The following CERKL variants were observed in gnomAD, a reference collection of about 807,000 sequenced individuals.
CERKL encodes the protein ceramide kinase-like protein.
CERKL carries 61 observed loss-of-function variants against 63.4 expected under a neutral mutation model. That is an observed-to-expected ratio of 0.96 (90% confidence interval 0.78 to 1.19). The LOEUF is 1.19. CERKL is among the 50% of genes most tolerant of loss of function. The pLI is 0.00. For synonymous variants in CERKL, 250 were observed against 230.5 expected (o/e 1.08, Z -0.77); for missense variants, 675 against 655.5 (o/e 1.03, Z -0.33).
At chr2:181,625,794 A>T (rs1175751346) in intron 1 of CERKL, among the ~76,000 whole-genome samples, 4 of 152,194 alleles carry the variant, frequency 2.6e-5, no homozygotes, top group African/African-American at 9.7e-5. Flanking sequence ...TTTAATCTCT[A>T]TGTGCTGGAA....
Position 181,547,651 on chromosome 2 carries a change from G to T in CERKL, c.1235C>A (p.Ser412Ter), listed in dbSNP as rs1687786157. ...VSIMAIPCLC[S>*]VAPRGLAPNT... Reference sequence around the variant, plus strand: ...AGGTGCCAAGCCTCTAGGTGCCACTGAACACAGGCAAGGAATTGCCATAAT... The same window carrying T: ...AGGTGCCAAGCCTCTAGGTGCCACTTAACACAGGCAAGGAATTGCCATAAT... The change falls in exon 10 of 13, where the codon TCA becomes TAA. Residue 412 changes from serine to a stop codon, truncating the protein, a stop_gained. Coordinates refer to ENST00000410087, the MANE Select transcript of CERKL (RefSeq NM_201548.5). LOFTEE classifies it high-confidence loss of function. 1 of 1,614,010 alleles carries T rather than the reference G, an allele frequency of 6.2e-7. No individual in the cohort carries two copies. Among genetic ancestry groups the T allele is most frequent in the South Asian group, 1.1e-5 (1 of 91,070 alleles).
At chr2:181,560,785 T>C (rs1688404738) in intron 4 of CERKL, among the ~76,000 whole-genome samples, 2 of 152,212 alleles carry the variant, frequency 1.3e-5, no homozygotes, top group South Asian at 4.2e-4. Context: ...CTAATAAAAA[T>C]AGCCTTATGA....
chr2:181,575,873 G>T (rs1392513415), intron 2 of CERKL, among the ~76,000 whole-genome samples: 1 of 152,076 alleles, frequency 6.6e-6, no homozygotes, highest in Non-Finnish European at 1.5e-5. Context: ...ACTTTTCAAA[G>T]CTCACTTCAA....
intron 1 of CERKL, among the ~76,000 whole-genome samples, chr2:181,616,367 C>T (rs1466662624): frequency 6.6e-6 from 1 of 151,968 alleles, no homozygotes; most frequent in Non-Finnish European, 1.5e-5. Flanking sequence ...GCGCTCGCCA[C>T]CATGCCCGGC....
chr2:181,656,044 TA>T (rs1196104096), intron 1 of CERKL, among the ~76,000 whole-genome samples: 36 of 152,380 alleles, frequency 2.4e-4, no homozygotes, highest in African/African-American at 8.2e-4. Flanking sequence ...GTATTTGTTG[TA>T]AACTACAGCA....
chr2:181,632,017 GTTTA>G (rs1405012847), intron 1 of CERKL, among the ~76,000 whole-genome samples: 1 of 152,134 alleles, frequency 6.6e-6, no homozygotes, highest in African/African-American at 2.4e-5. Context: ...TAAATAGTGA[GTTTA>G]TTTATATTTC....
chr2:181,558,768 T>C lies in CERKL; in HGVS notation c.678-60A>G. 1 of 1,552,506 alleles carries C rather than the reference T, an allele frequency of 6.4e-7. No individual in the cohort carries two copies. The highest frequency in any genetic ancestry group is 2.3e-5 in the East Asian group (1 of 44,290). On this transcript the variant is annotated intron_variant, in intron 4 of 12. Coordinates refer to ENST00000410087, the MANE Select transcript of CERKL (RefSeq NM_201548.5). The surrounding 1 kb of genome is among the most constrained non-coding windows in gnomAD (Gnocchi z 4.2). Reference sequence around the variant, plus strand: ...CTTCAGAATGATTGGTAATAAGTCATGAAATCTAGACTTCAAAATAGTTTA... The same window carrying C: ...CTTCAGAATGATTGGTAATAAGTCACGAAATCTAGACTTCAAAATAGTTTA...
At chr2:181,593,142 T>C (rs1685058053) in intron 2 of CERKL, among the ~76,000 whole-genome samples, 1 of 152,136 alleles carries the variant, frequency 6.6e-6, no homozygotes, top group African/African-American at 2.4e-5. Flanking sequence ...TAGGAGACCA[T>C]AGAAGACATA....
chr2:181,638,364 A>G (rs1264722272), intron 1 of CERKL, among the ~76,000 whole-genome samples: 3 of 152,212 alleles, frequency 2.0e-5, no homozygotes, highest in African/African-American at 7.2e-5. Flanking sequence ...AACCTGGAAT[A>G]TCTTGCCATT....
intron 1 of CERKL, among the ~76,000 whole-genome samples, chr2:181,630,259 T>C (rs1686898351): frequency 6.6e-6 from 1 of 152,056 alleles, no homozygotes; most frequent in Admixed American, 6.5e-5. Context: ...TTTCCCAGGC[T>C]GATCTTGAAC....
rs1365122205 is a variant in CERKL, at chr2:181,550,517, G to T, written c.821-809C>A. ...AGAGAATTTAAAATTATTAAGAACA[G>T]AATGAATGAAGCTACAATTTTTCTT... On this transcript the variant is annotated intron_variant, in intron 5 of 12. Transcript: ENST00000410087. This position sits in a 1 kb window ranked among gnomAD's most constrained non-coding sequence, Gnocchi z 4.5. 6.6e-6 allele frequency among the ~76,000 whole-genome samples: 1 copy of T among 152,094 alleles called. No individual in the cohort carries two copies. Among genetic ancestry groups the T allele is most frequent in the South Asian group, 2.1e-4 (1 of 4,830 alleles).
At chr2:181,551,549 CAT>C (rs1687989023) in intron 5 of CERKL, among the ~76,000 whole-genome samples, 1 of 147,478 alleles carries the variant, frequency 6.8e-6, no homozygotes, top group Admixed American at 6.9e-5. Flanking sequence ...GGCCAACAAA[CAT>C]ATAAAAAAAA....
At chr2:181,632,524 C>T (rs1346270434) in intron 1 of CERKL, among the ~76,000 whole-genome samples, 6 of 152,140 alleles carry the variant, frequency 3.9e-5, no homozygotes, top group South Asian at 2.1e-4. Flanking sequence ...TAAACAATTA[C>T]GGGTGCACCT....
At chr2:181,565,459 G>C (rs771179300) in intron 4 of CERKL, 1 of 1,612,378 alleles carries the variant, frequency 6.2e-7, no homozygotes. Context: ...GCATGCCAGT[G>C]AACAATCTCT....
At chr2:181,596,534 C>T (rs1003949668) in intron 2 of CERKL, among the ~76,000 whole-genome samples, 2 of 152,100 alleles carry the variant, frequency 1.3e-5, no homozygotes, top group African/African-American at 4.8e-5. Context: ...GTCTGTCAAC[C>T]TTTTCCAAGC....
chr2:181,576,975 C>A (rs1378760311), intron 2 of CERKL, among the ~76,000 whole-genome samples: 2 of 152,168 alleles, frequency 1.3e-5, no homozygotes, highest in African/African-American at 4.8e-5. Flanking sequence ...ATCTAAGGAA[C>A]TGGCATATTC....
intron 2 of CERKL, among the ~76,000 whole-genome samples, chr2:181,582,254 T>C (rs1175725979): frequency 6.6e-6 from 1 of 152,162 alleles, no homozygotes. Flanking sequence ...CTTTAGCAGC[T>C]CATTTTTGTT....
At position 181,648,188 on chromosome 2, in the gene CERKL, C is replaced by A. The variant is rs182006951; in HGVS notation, c.238+8581G>T. On this transcript the variant is annotated intron_variant, in intron 1 of 12. Transcript: ENST00000410087. ...TCCAGATGAAGGAACCACAAAGATT[C>A]CCAATTAGATTAAACCCAAAAAGAT... is the stretch of plus-strand genomic sequence containing the variant. Among the ~76,000 whole-genome samples, 5 of 152,144 alleles carry A rather than the reference C, an allele frequency of 3.3e-5. No homozygotes were observed. The East Asian group carries it at 9.6e-4, about 29-fold the overall frequency.
chr2:181,600,334 T>G lies in CERKL; in HGVS notation c.481+3503A>C, dbSNP rs369672230. The stretch of plus-strand genomic sequence containing the variant: ...GCAACTACTTAACAATACACAAATA[T>G]CAAATGTATAGGAACAAAACCTCAA... On this transcript the variant is annotated intron_variant, in intron 2 of 12. Coordinates refer to ENST00000410087, the MANE Select transcript of CERKL (RefSeq NM_201548.5). Among the ~76,000 whole-genome samples, 5 of 152,122 alleles carry G rather than the reference T, an allele frequency of 3.3e-5. No individual in the cohort carries two copies. In the East Asian group the frequency reaches 7.7e-4, roughly 23 times the overall value.
Sources: allele counts gnomAD v4.1 joint callset (sites outside exome capture counted in the v4.1 genomes callset), GRCh38; gene constraint gnomAD v4.1.1; non-coding constraint Gnocchi (gnomAD v3.1); transcripts MANE v1.5; gene names NCBI Gene and HGNC (gene_info 2026-07-23, HGNC 2026-07-21).